Variants in AKAP6 observed in about 807,000 individuals in gnomAD.
AKAP6 encodes A-kinase anchor protein 6.
In AKAP6, 58 loss-of-function variants were observed where a neutral mutation model predicts 188.5. The observed-to-expected ratio is 0.31, with a 90% CI of 0.25 to 0.38. AKAP6 has a LOEUF of 0.38. Among genes scored for constraint, AKAP6 ranks in the 10% least tolerant of loss-of-function variants. The probability of loss-of-function intolerance (pLI) is 1.00; values close to 1 mark genes in which losing one functional copy is unlikely to be tolerated. For synonymous variants in AKAP6, 989 were observed against 998.6 expected, an observed-to-expected ratio of 0.99 and a Z score of 0.18; for missense variants, 2,710 against 2,740.0, an observed-to-expected ratio of 0.99 and a Z score of 0.24.
intron 11 of AKAP6, among the ~76,000 whole-genome samples, chr14:32,744,582 A>G (rs374773218): frequency 6.6e-6 from 1 of 152,082 alleles, no homozygotes; most frequent in Non-Finnish European, 1.5e-5. Context: ...TCCCCAAAGT[A>G]CTGGGATTAC....
intron 4 of AKAP6, among the ~76,000 whole-genome samples, chr14:32,550,124 T>C (rs1883387893): frequency 6.6e-6 from 1 of 152,240 alleles, no homozygotes; most frequent in Non-Finnish European, 1.5e-5. Context: ...GTTTCATCTT[T>C]TGTAAAGAGA....
chr14:32,801,827 C>T (rs1305837228), intron 12 of AKAP6, among the ~76,000 whole-genome samples: 1 of 152,098 alleles, frequency 6.6e-6, no homozygotes, highest in Non-Finnish European at 1.5e-5. Flanking sequence ...TTTCACTTCA[C>T]TCTCTTCTTG....
At position 32,518,859 on chromosome 14, in the gene AKAP6, T is replaced by C. The variant is rs184356560; in HGVS notation, c.325-16695T>C. 1.3e-4 allele frequency among the ~76,000 whole-genome samples: 20 copies of C among 152,102 alleles called. No individual in the cohort carries two copies. The East Asian group carries it at 3.9e-3, about 29-fold the overall frequency. On this transcript the variant is annotated intron_variant, in intron 2 of 13. Transcript: ENST00000280979. ...AATACAGAGAATGCCACAAAGATAC[T>C]CCTTGAGAAGAGAAACTCCAAGACA...
intron 9 of AKAP6, among the ~76,000 whole-genome samples, chr14:32,727,869 C>G (rs1230114682): frequency 1.3e-5 from 2 of 152,108 alleles, no homozygotes; most frequent in Non-Finnish European, 2.9e-5. Context: ...GGGCTTGAAC[C>G]CTTTTCTTCA....
chr14:32,768,164 A>T (rs148032019), intron 11 of AKAP6, among the ~76,000 whole-genome samples: 1 of 152,174 alleles, frequency 6.6e-6, no homozygotes, highest in Non-Finnish European at 1.5e-5. Flanking sequence ...AGCCAGACAA[A>T]TGCATCTTCT....
At chr14:32,625,585 A>G (rs1006725978) in intron 7 of AKAP6, among the ~76,000 whole-genome samples, 4 of 151,864 alleles carry the variant, frequency 2.6e-5, no homozygotes, top group Non-Finnish European at 5.9e-5. Context: ...CCTTCTTAGG[A>G]TTTCTGTGCA....
intron 3 of AKAP6, 66 bp downstream of exon 3, chr14:32,535,871 T>G: frequency 6.5e-7 from 1 of 1,548,248 alleles, no homozygotes; most frequent in Non-Finnish European, 8.7e-7. Context: ...TGTTTTCAGT[T>G]TAGAGATGTA....
chr14:32,432,076 T>G (rs1890245032), intron 1 of AKAP6, among the ~76,000 whole-genome samples: 1 of 152,214 alleles, frequency 6.6e-6, no homozygotes, highest in Admixed American at 6.5e-5. Flanking sequence ...TTTTTTTTGC[T>G]GAATATTTGT....
chr14:32,576,246 T>C (rs542218465), intron 4 of AKAP6, among the ~76,000 whole-genome samples: 30 of 152,214 alleles, frequency 2.0e-4, no homozygotes, highest in South Asian at 8.3e-4. Flanking sequence ...TTCCTAGTTA[T>C]GTGTGGAAGC....
chr14:32,368,292 G>A (rs536200816), intron 1 of AKAP6, among the ~76,000 whole-genome samples: 55 of 152,092 alleles, frequency 3.6e-4, no homozygotes, highest in Non-Finnish European at 6.9e-4. Context: ...AGCCTATTTC[G>A]TTAATTCAGC....
chr14:32,785,262 A>G (rs1306326320), intron 12 of AKAP6, among the ~76,000 whole-genome samples: 1 of 152,202 alleles, frequency 6.6e-6, no homozygotes, highest in Non-Finnish European at 1.5e-5. Context: ...TATTATTTGG[A>G]AAAATTTCAA....
intron 12 of AKAP6, among the ~76,000 whole-genome samples, chr14:32,779,628 C>T (rs1333148642): frequency 6.6e-6 from 1 of 152,062 alleles, no homozygotes; most frequent in South Asian, 2.1e-4. Flanking sequence ...GACAACATTA[C>T]TAAATGTTTA....
intron 1 of AKAP6, among the ~76,000 whole-genome samples, chr14:32,353,702 GA>G (rs1887375590): frequency 6.6e-6 from 1 of 152,140 alleles, no homozygotes; most frequent in Non-Finnish European, 1.5e-5. Flanking sequence ...TGTATATCTA[GA>G]AAACCCCATC....
chr14:32,753,628 GA>G (rs894999539), intron 11 of AKAP6, among the ~76,000 whole-genome samples: 6 of 151,818 alleles, frequency 4.0e-5, no homozygotes, highest in African/African-American at 1.5e-4. Flanking sequence ...TTTCTAGGGG[GA>G]AAGTTTATAG....
At chr14:32,621,803 T>G (rs1255076518) in intron 7 of AKAP6, among the ~76,000 whole-genome samples, 1 of 152,122 alleles carries the variant, frequency 6.6e-6, no homozygotes, top group Non-Finnish European at 1.5e-5. Context: ...TGCTGCATAC[T>G]TGGACATTTT....
intron 1 of AKAP6, among the ~76,000 whole-genome samples, chr14:32,423,961 C>A (rs540640663): frequency 6.6e-6 from 1 of 152,202 alleles, no homozygotes; most frequent in South Asian, 2.1e-4. Context: ...GTGCAGAACT[C>A]TTTTAATCAT....
intron 1 of AKAP6, among the ~76,000 whole-genome samples, chr14:32,402,444 T>C (rs771792030): frequency 6.6e-6 from 1 of 152,212 alleles, no homozygotes; most frequent in Non-Finnish European, 1.5e-5. Flanking sequence ...TTTCCTGATA[T>C]CAAATGCCTT....
chr14:32,401,785 T>C (rs1437326498), intron 1 of AKAP6, among the ~76,000 whole-genome samples: 1 of 152,246 alleles, frequency 6.6e-6, no homozygotes, highest in Non-Finnish European at 1.5e-5. Flanking sequence ...GAATTTCAAA[T>C]ATACTCTGTG....
intron 9 of AKAP6, among the ~76,000 whole-genome samples, chr14:32,718,900 A>G (rs1594878718): frequency 6.6e-6 from 1 of 152,180 alleles, no homozygotes; most frequent in East Asian, 1.9e-4. Context: ...CCATAATGCT[A>G]AGAATTACAG....
Sources: gnomAD v4.1 joint callset for allele counts (sites outside exome capture counted in the v4.1 genomes callset) on GRCh38, gnomAD v4.1.1 for gene constraint, MANE v1.5 for transcripts, NCBI Gene and HGNC (gene_info 2026-07-23, HGNC 2026-07-21) for gene names.